PXDNL: variants seen among roughly 807,000 people sequenced by gnomAD.
The protein encoded by PXDNL is peroxidasin like, also known as probable oxidoreductase PXDNL.
A neutral mutation model predicts 150.8 loss-of-function variants in PXDNL; 145 were observed. The ratio of observed to expected loss-of-function variants is 0.96; its 90% CI spans 0.84 to 1.10. The LOEUF (loss-of-function observed/expected upper bound fraction) is 1.10, where lower values mean the gene tolerates loss of function less well. Ranked by LOEUF, PXDNL falls within the 50% of genes least tolerant of loss-of-function variation. The pLI, the probability that PXDNL is intolerant of heterozygous loss-of-function variation, is 0.00. For synonymous variants in PXDNL, 757 were observed against 725.7 expected, an observed-to-expected ratio of 1.04 and a Z score of -0.69; for missense variants, 2,087 against 1,873.9, an observed-to-expected ratio of 1.11 and a Z score of -2.10.
intron 10 of PXDNL, among the ~76,000 whole-genome samples, chr8:51,451,596 C>T (rs149859872): frequency 6.6e-5 from 10 of 152,266 alleles, no homozygotes; most frequent in African/African-American, 2.4e-4. Context: ...TGACCATAGG[C>T]CTTTTTACCT....
At chr8:51,426,948 C>T (rs535904228) in intron 12 of PXDNL, among the ~76,000 whole-genome samples, 190 bp from the exon 13 acceptor site, 1 of 152,086 alleles carries the variant, frequency 6.6e-6, no homozygotes, top group African/African-American at 2.4e-5. Context: ...CAGCAGAGGC[C>T]GGAGCAGGTA....
intron 4 of PXDNL, among the ~76,000 whole-genome samples, chr8:51,526,085 C>A (rs1811764156): frequency 6.6e-6 from 1 of 152,064 alleles, no homozygotes; most frequent in Non-Finnish European, 1.5e-5. Flanking sequence ...ACTGAAATGC[C>A]ATCATTTTAC....
chr8:51,440,299 G>A (rs1377192762), intron 12 of PXDNL, among the ~76,000 whole-genome samples: 1 of 152,006 alleles, frequency 6.6e-6, no homozygotes, highest in African/African-American at 2.4e-5. Context: ...AGGGTGGTGA[G>A]GGATGAAAGA....
chr8:51,807,779 G>A (rs1030361278), intron 1 of PXDNL, among the ~76,000 whole-genome samples: 1 of 152,134 alleles, frequency 6.6e-6, no homozygotes, highest in African/African-American at 2.4e-5. Flanking sequence ...AAACACCTAG[G>A]AAACAAAATT....
chr8:51,475,382 T>C (rs1810449362), intron 6 of PXDNL, among the ~76,000 whole-genome samples: 2 of 151,972 alleles, frequency 1.3e-5, no homozygotes, highest in South Asian at 4.1e-4. Flanking sequence ...ACTGGAAAAG[T>C]GGTTTTCCCT....
At chr8:51,372,418 T>C (rs546965024) in intron 18 of PXDNL, among the ~76,000 whole-genome samples, 1 of 152,360 alleles carries the variant, frequency 6.6e-6, no homozygotes, top group South Asian at 2.1e-4. Flanking sequence ...TCTCATTCAC[T>C]CTGTAGCCCA....
intron 2 of PXDNL, among the ~76,000 whole-genome samples, chr8:51,600,939 A>T (rs1324071459): frequency 1.5e-5 from 2 of 137,700 alleles, no homozygotes; most frequent in Non-Finnish European, 3.0e-5. Flanking sequence ...TAATTTATAT[A>T]ATAAATTATA....
chr8:51,432,664 T>G (rs996713843), intron 12 of PXDNL, among the ~76,000 whole-genome samples: 5 of 152,248 alleles, frequency 3.3e-5, no homozygotes, highest in Non-Finnish European at 7.3e-5. Flanking sequence ...ATTTTGTTGC[T>G]GGCATGTAGA....
intron 5 of PXDNL, among the ~76,000 whole-genome samples, chr8:51,492,244 T>C (rs1055703749): frequency 1.3e-5 from 2 of 152,230 alleles, no homozygotes; most frequent in African/African-American, 4.8e-5. Context: ...TTCTGCATTT[T>C]CTTTCTTTTC....
At chr8:51,434,036 C>T (rs752929905) in intron 12 of PXDNL, among the ~76,000 whole-genome samples, 1 of 152,066 alleles carries the variant, frequency 6.6e-6, no homozygotes, top group Non-Finnish European at 1.5e-5. Context: ...TGTCCTTCTT[C>T]AAGAAGATAA....
At chr8:51,807,884 T>C (rs2037694149) in intron 1 of PXDNL, among the ~76,000 whole-genome samples, 1 of 152,172 alleles carries the variant, frequency 6.6e-6, no homozygotes, top group African/African-American at 2.4e-5. Flanking sequence ...AAAACTGTCA[T>C]TACAAAAGGA....
intron 4 of PXDNL, among the ~76,000 whole-genome samples, chr8:51,524,315 A>G (rs1811724590): frequency 6.6e-6 from 1 of 152,240 alleles, no homozygotes; most frequent in Non-Finnish European, 1.5e-5. Context: ...AGATCTTATT[A>G]AATTAAAGTT....
At chr8:51,365,317 A>C (rs905797401) in intron 19 of PXDNL, among the ~76,000 whole-genome samples, 1 of 152,232 alleles carries the variant, frequency 6.6e-6, no homozygotes, top group Non-Finnish European at 1.5e-5. Context: ...AGTGATTAAC[A>C]GAGAAGTGTC....
At chr8:51,618,668 A>G (rs534996472) in intron 2 of PXDNL, among the ~76,000 whole-genome samples, 3 of 152,322 alleles carry the variant, frequency 2.0e-5, no homozygotes, top group African/African-American at 7.2e-5. Flanking sequence ...GTGGGAACTG[A>G]TAATTCCTAA....
chr8:51,548,071 G>A (rs1489890498), intron 4 of PXDNL, among the ~76,000 whole-genome samples: 2 of 143,618 alleles, frequency 1.4e-5, no homozygotes, highest in Non-Finnish European at 3.0e-5. Flanking sequence ...AATCATACAA[G>A]TAGAAGAAAC....
At position 51,475,001 on chromosome 8, in the gene PXDNL, G is replaced by A. The variant is rs1810439643; in HGVS notation, c.665C>T (p.Ala222Val). Residue 222 changes from alanine to valine, a missense_variant, in exon 7 of 23, where the codon GCT becomes GTT. Ala to Val is a moderately conservative substitution (Grantham distance 64). Coordinates refer to ENST00000356297, the MANE Select transcript of PXDNL (RefSeq NM_144651.5). The part of the protein sequence containing the change: ...YPRRLHGRAV[A>V]SVTVEEFNCQ... Reference sequence around the variant, plus strand: ...ATTGAATTCCTCTACTGTTACTGAAGCAACTGCACGCCCATGGAGTCTCCT... The same window carrying A: ...ATTGAATTCCTCTACTGTTACTGAAACAACTGCACGCCCATGGAGTCTCCT... The A allele has an allele frequency of 7.5e-6, 12 of 1,605,882 alleles. No individual in the cohort carries two copies. Among genetic ancestry groups the A allele is most frequent in the Non-Finnish European group, 1.0e-5 (12 of 1,175,838 alleles).
chr8:51,321,950 G>T (rs531966197), intron 21 of PXDNL, among the ~76,000 whole-genome samples: 42 of 129,934 alleles, frequency 3.2e-4, no homozygotes, highest in African/African-American at 1.4e-3. Context: ...ATAGGGCCTC[G>T]AAGGATGTAA....
intron 19 of PXDNL, among the ~76,000 whole-genome samples, chr8:51,358,843 TG>T: frequency 6.6e-6 from 1 of 152,100 alleles, no homozygotes; most frequent in East Asian, 1.9e-4. Flanking sequence ...AGGGGAACCC[TG>T]GGGAAAAATG....
chr8:51,382,142 G>A (rs572939039), intron 17 of PXDNL, among the ~76,000 whole-genome samples: 23 of 152,224 alleles, frequency 1.5e-4, no homozygotes, highest in African/African-American at 4.8e-4. Flanking sequence ...GGGCCATGGT[G>A]TCCTTATCTT....
Sources: gnomAD v4.1 joint callset for allele counts (sites outside exome capture counted in the v4.1 genomes callset) on GRCh38, gnomAD v4.1.1 for gene constraint, MANE v1.5 for transcripts, NCBI Gene and HGNC (gene_info 2026-07-23, HGNC 2026-07-21) for gene names.